Variants in IPO5 observed in about 807,000 individuals in gnomAD.
IPO5 encodes importin-5.
In IPO5, 18 loss-of-function variants were observed where a neutral mutation model predicts 143.3. The ratio of observed to expected loss-of-function variants is 0.13; its 90% CI spans 0.09 to 0.19. The LOEUF (loss-of-function observed/expected upper bound fraction) is 0.19, where lower values mean the gene tolerates loss of function less well. IPO5 is among the 10% of genes least tolerant of loss of function. IPO5 has a pLI of 1.00. For missense variants in IPO5, 1,013 were observed against 1,336.9 expected (o/e 0.76, Z 3.78); for synonymous variants, 477 against 465.7 (o/e 1.02, Z -0.31).
At chr13:97,981,202 T>C in intron 4 of IPO5, 1 of 449,068 alleles carries the variant, frequency 2.2e-6, no homozygotes, top group Non-Finnish European at 4.4e-6. Context: ...TATCAGAAGA[T>C]CTTGAATTCT....
chr13:98,018,007 T>C (rs1890241196), intron 25 of IPO5, among the ~76,000 whole-genome samples: 1 of 152,304 alleles, frequency 6.6e-6, no homozygotes, highest in South Asian at 2.1e-4. Flanking sequence ...AATTAGCAGC[T>C]ATCATCAGAT....
intron 2 of IPO5, among the ~76,000 whole-genome samples, chr13:97,955,780 C>T (rs926102475): frequency 5.3e-5 from 8 of 152,128 alleles, no homozygotes; most frequent in Non-Finnish European, 1.2e-4. Flanking sequence ...GTCAGGATCC[C>T]CTCATCCCAA....
chr13:98,005,666 G>A (rs1355629502), intron 16 of IPO5, among the ~76,000 whole-genome samples: 4 of 152,110 alleles, frequency 2.6e-5, no homozygotes, highest in African/African-American at 9.7e-5. Context: ...AGGCAGCAGG[G>A]TTCCTTCGTG....
At chr13:97,974,199 G>A (rs912036270) in intron 3 of IPO5, among the ~76,000 whole-genome samples, 15 of 152,138 alleles carry the variant, frequency 9.9e-5, no homozygotes, top group African/African-American at 3.6e-4. Context: ...TATCGCAACA[G>A]GTGTTAAAAA....
intron 20 of IPO5, 53 bp downstream of exon 20, chr13:98,010,277 C>A: frequency 1.3e-6 from 2 of 1,493,296 alleles, no homozygotes; most frequent in African/African-American, 2.8e-5. Context: ...ATATACATTT[C>A]ATATGAGTGC....
intron 2 of IPO5, among the ~76,000 whole-genome samples, chr13:97,969,089 T>C (rs1885584294): frequency 6.7e-6 from 1 of 149,708 alleles, no homozygotes. Context: ...TCTATCCTTT[T>C]ACTTTCAACC....
intron 11 of IPO5, among the ~76,000 whole-genome samples, chr13:97,994,307 C>T (rs200415217): frequency 1.3e-5 from 2 of 151,294 alleles, no homozygotes; most frequent in Non-Finnish European, 2.9e-5. Context: ...AAACTCGTCT[C>T]AAAAAAAAGA....
chr13:97,986,236 C>T (rs960395804), intron 6 of IPO5, among the ~76,000 whole-genome samples: 1 of 152,160 alleles, frequency 6.6e-6, no homozygotes, highest in African/African-American at 2.4e-5. Flanking sequence ...ATGGTATGAC[C>T]TACTTTGTAC....
At chr13:97,967,236 G>T (rs1345985002) in intron 2 of IPO5, among the ~76,000 whole-genome samples, 1 of 152,100 alleles carries the variant, frequency 6.6e-6, no homozygotes, top group African/African-American at 2.4e-5. Context: ...GCTGGGTAGT[G>T]ATGTCTCCTC....
At chr13:98,020,768 A>T (rs1415683118) in intron 27 of IPO5, among the ~76,000 whole-genome samples, 4 of 152,196 alleles carry the variant, frequency 2.6e-5, no homozygotes, top group African/African-American at 7.2e-5. Context: ...CAAATTATTT[A>T]TAAGGTATTT....
At chr13:97,999,882 A>G (rs894609620) in intron 12 of IPO5, among the ~76,000 whole-genome samples, 4 of 152,240 alleles carry the variant, frequency 2.6e-5, no homozygotes, top group Non-Finnish European at 5.9e-5. Flanking sequence ...TTTCTAGGAA[A>G]TGAAATACAT....
At chr13:98,013,118 C>T (rs1308947813) in intron 21 of IPO5, among the ~76,000 whole-genome samples, 2 of 152,136 alleles carry the variant, frequency 1.3e-5, no homozygotes, top group East Asian at 1.9e-4. Context: ...GTGCATGGCA[C>T]GATCTTAGCT....
At chr13:98,005,040 C>T (rs1388018890) in intron 16 of IPO5, among the ~76,000 whole-genome samples, 1 of 151,926 alleles carries the variant, frequency 6.6e-6, no homozygotes, top group Non-Finnish European at 1.5e-5. Flanking sequence ...GGATTACAGA[C>T]GTGCACCCAC....
chr13:97,968,554 G>A (rs139590439), intron 2 of IPO5, among the ~76,000 whole-genome samples: 4,481 of 152,284 alleles, frequency 0.029, 100 homozygotes, highest in Non-Finnish European at 0.04. Flanking sequence ...TTTTGGTGCT[G>A]TTAGGCACAT....
At position 98,021,803 on chromosome 13, in the gene IPO5, A is replaced by G; in HGVS notation, c.3275A>G (p.Glu1092Gly). Residue 1092 changes from glutamate to glycine, a missense_variant, in exon 29 of 29, where the codon GAG (glutamate) becomes GGG (glycine). By Grantham distance (98) the Glu-to-Gly change is moderately conservative (BLOSUM62 -2). Coordinates refer to ENST00000651721, the MANE Select transcript of IPO5 (RefSeq NM_002271.6). ...CCTGAGCAGCAGGCCGCCATTCAGG[A>G]GCTCCTGAACTCTGCGTGAAGGGCC... ...LSPEQQAAIQ[E>G]LLNSA is the part of the protein sequence containing the mutation. 6.2e-7 allele frequency: 1 copy of G among 1,605,906 alleles called. No homozygotes were observed. The highest frequency in any genetic ancestry group is 8.5e-7 in the Non-Finnish European group (1 of 1,173,748).
At chr13:97,969,167 A>ATT (rs1202289054) in intron 2 of IPO5, among the ~76,000 whole-genome samples, 1 of 72,190 alleles carries the variant, frequency 1.4e-5, no homozygotes, top group Non-Finnish European at 2.5e-5. Context: ...ATATATATAT[A>ATT]TATATATATT....
In IPO5 at chr13:98,023,567, A is replaced by T. The variant is rs768351245; in HGVS notation, c.*1745A>T. Reference sequence around the variant, plus strand: ...AATTTCAGATGACAGTGTGGTCAGAAGATGTTTTTTGGGAGAACCTAGTGT... The same window carrying T: ...AATTTCAGATGACAGTGTGGTCAGATGATGTTTTTTGGGAGAACCTAGTGT... On this transcript the variant is annotated 3_prime_UTR_variant, in exon 29 of 29. Transcript: ENST00000651721. 6.6e-6 allele frequency: 1 copy of T among 152,094 alleles called. No homozygotes were observed. The highest frequency in any genetic ancestry group is 1.5e-5 in the Non-Finnish European group (1 of 68,028). 9.4% of individuals were successfully genotyped at this position (152,094 alleles called of 1,614,324 possible).
intron 2 of IPO5, among the ~76,000 whole-genome samples, chr13:97,954,505 T>C (rs1884331554): frequency 6.6e-6 from 1 of 152,190 alleles, no homozygotes; most frequent in African/African-American, 2.4e-5. Flanking sequence ...TACATTATGG[T>C]TGTATTCCCT....
intron 17 of IPO5, among the ~76,000 whole-genome samples, chr13:98,006,617 G>C (rs900720562): frequency 6.6e-6 from 1 of 151,422 alleles, no homozygotes; most frequent in African/African-American, 2.4e-5. Context: ...CTCGTGATCC[G>C]CCCGCCTCGG....
Sources: allele counts gnomAD v4.1 joint callset (sites outside exome capture counted in the v4.1 genomes callset), GRCh38; gene constraint gnomAD v4.1.1; transcripts MANE v1.5; gene names NCBI Gene and HGNC (gene_info 2026-07-23, HGNC 2026-07-21).